Variants in MRPS31 observed in about 807,000 individuals in gnomAD.
MRPS31 encodes mitochondrial ribosomal protein S31, also known as small ribosomal subunit protein mS31.
A neutral mutation model predicts 43.1 loss-of-function variants in MRPS31; 32 were observed. The ratio of observed to expected loss-of-function variants is 0.74; its 90% confidence interval spans 0.56 to 1.00. The LOEUF (loss-of-function observed/expected upper bound fraction) is 1.00. MRPS31 is among the 50% of genes least tolerant of loss of function. The pLI, the probability that MRPS31 is intolerant of heterozygous loss-of-function variation, is 0.00. For missense variants in MRPS31, 437 were observed against 466.7 expected (o/e 0.94, Z 0.59); for synonymous variants, 165 against 161.6 (o/e 1.02, Z -0.16).
rs1461498908 is a variant in MRPS31, at chr13:40,729,482, T to G, written c.1078A>C (p.Lys360Gln). 2.5e-6 allele frequency: 4 copies of G among 1,613,684 alleles called. No homozygotes were observed. In the African/African-American group the frequency reaches 5.3e-5, roughly 22 times the overall value. The change falls in exon 7 of 7, where the codon AAA (lysine) becomes CAA (glutamine). Residue 360 changes from lysine to glutamine, a missense_variant. Transcript: ENST00000323563. ...TGTTTAACACTAAGATATGGGTTTT[T>G]GGAAAGGCCACAAGTCACCAGCTCC... is the stretch of plus-strand genomic sequence containing the variant. The part of the protein sequence containing the change: ...FMELVTCGLS[K>Q]NPYLSVKQKV...
At chr13:40,747,727 A>T (rs986213252) in intron 6 of MRPS31, among the ~76,000 whole-genome samples, 7 of 151,912 alleles carry the variant, frequency 4.6e-5, no homozygotes, top group African/African-American at 1.7e-4. Context: ...AAAATACAAA[A>T]ATTAGCTCGG....
chr13:40,760,353 C>G (rs1880660937), intron 2 of MRPS31, among the ~76,000 whole-genome samples: 1 of 151,744 alleles, frequency 6.6e-6, no homozygotes, highest in African/African-American at 2.4e-5. Context: ...GATTTGTATA[C>G]TTTAATACAT....
At chr13:40,762,205 CT>C in intron 2 of MRPS31, among the ~76,000 whole-genome samples, 1 of 152,152 alleles carries the variant, frequency 6.6e-6, no homozygotes, top group African/African-American at 2.4e-5. Context: ...GCACTCAAGC[CT>C]GGGGAATAGA....
chr13:40,739,562 A>G (rs1440064963), intron 6 of MRPS31, among the ~76,000 whole-genome samples: 6 of 152,154 alleles, frequency 3.9e-5, no homozygotes, highest in Non-Finnish European at 8.8e-5. Flanking sequence ...CAGTAACCAA[A>G]ACAGCATGGT....
intron 2 of MRPS31, among the ~76,000 whole-genome samples, chr13:40,762,391 T>C (rs1486508856): frequency 6.6e-6 from 1 of 152,082 alleles, no homozygotes; most frequent in African/African-American, 2.4e-5. Flanking sequence ...TTTGCTCAAA[T>C]GTTACCTTAT....
intron 5 of MRPS31, among the ~76,000 whole-genome samples, chr13:40,750,200 C>T (rs747073575): frequency 1.2e-4 from 18 of 152,054 alleles, no homozygotes; most frequent in South Asian, 6.2e-4. Context: ...AATAAAAATG[C>T]GTTACTAGTA....
intron 2 of MRPS31, among the ~76,000 whole-genome samples, chr13:40,765,140 T>C (rs1478202908): frequency 6.6e-6 from 1 of 152,154 alleles, no homozygotes; most frequent in Non-Finnish European, 1.5e-5. Context: ...CATTCACCAG[T>C]CTTTTGATGT....
intron 1 of MRPS31, among the ~76,000 whole-genome samples, chr13:40,768,492 G>A (rs1033979009): frequency 1.8e-4 from 28 of 151,822 alleles, no homozygotes; most frequent in Non-Finnish European, 3.7e-4. Flanking sequence ...GGAGTGCAGT[G>A]GTGTGATCTC....
intron 6 of MRPS31, among the ~76,000 whole-genome samples, chr13:40,735,872 G>A (rs1304628739): frequency 6.0e-5 from 9 of 150,530 alleles, no homozygotes; most frequent in South Asian, 4.3e-4. Context: ...AAAGCAGAGC[G>A]CCTCTCCTCC....
At chr13:40,738,986 G>A (rs1880003131) in intron 6 of MRPS31, among the ~76,000 whole-genome samples, 1 of 152,156 alleles carries the variant, frequency 6.6e-6, no homozygotes, top group Admixed American at 6.5e-5. Context: ...TAGGAAAAGA[G>A]GAAGTCAAAT....
At chr13:40,737,025 T>C (rs1403399729) in intron 6 of MRPS31, among the ~76,000 whole-genome samples, 3 of 151,634 alleles carry the variant, frequency 2.0e-5, no homozygotes, top group Admixed American at 1.3e-4. Flanking sequence ...GTGTGCTGTA[T>C]TCAGGAAACC....
At chr13:40,760,336 C>A (rs1365271676) in intron 2 of MRPS31, among the ~76,000 whole-genome samples, 1 of 151,714 alleles carries the variant, frequency 6.6e-6, no homozygotes, top group Non-Finnish European at 1.5e-5. Context: ...CAAAATCCTA[C>A]AGCTAAGATT....
chr13:40,758,442 T>C (rs1239931645), intron 3 of MRPS31, among the ~76,000 whole-genome samples: 2 of 151,616 alleles, frequency 1.3e-5, no homozygotes, highest in African/African-American at 4.9e-5. Flanking sequence ...AATGAGGCAG[T>C]GTTACTGCTT....
intron 6 of MRPS31, among the ~76,000 whole-genome samples, chr13:40,733,472 T>A (rs1051279493): frequency 6.6e-6 from 1 of 152,070 alleles, no homozygotes; most frequent in Non-Finnish European, 1.5e-5. Flanking sequence ...AATTGAAAAA[T>A]GAAGTTACTG....
intron 6 of MRPS31, among the ~76,000 whole-genome samples, chr13:40,740,804 G>A (rs1019893312): frequency 2.9e-5 from 3 of 102,752 alleles, no homozygotes; most frequent in African/African-American, 7.5e-5. Context: ...GGGGAGGGGG[G>A]AGGGATAGCA....
rs1265113546 is a variant in MRPS31, at chr13:40,766,735, AT to A, written c.440+10del. ...AGTTTCAAACAACATCTGAATTACAATTAAATTTACCTCTTCTTTGGAGCAT... is the reference window on the plus strand; with the variant it reads ...AGTTTCAAACAACATCTGAATTACAATAAATTTACCTCTTCTTTGGAGCAT... On this transcript the variant is annotated intron_variant, in intron 2 of 6. Coordinates refer to ENST00000323563, the MANE Select transcript of MRPS31 (RefSeq NM_005830.4). 1 of 1,568,538 alleles carries A rather than the reference AT, an allele frequency of 6.4e-7. No individual in the cohort carries two copies. The highest frequency in any genetic ancestry group is 2.3e-5 in the East Asian group (1 of 44,376).
intron 6 of MRPS31, among the ~76,000 whole-genome samples, chr13:40,736,383 C>T (rs1047776894): frequency 1.3e-5 from 2 of 150,658 alleles, no homozygotes; most frequent in African/African-American, 4.9e-5. Context: ...GAGAATTTAC[C>T]CAATCTAGCA....
At chr13:40,744,564 T>A (rs1388713946) in intron 6 of MRPS31, among the ~76,000 whole-genome samples, 6 of 152,194 alleles carry the variant, frequency 3.9e-5, no homozygotes, top group Admixed American at 1.3e-4. Context: ...TTTCTTTTTA[T>A]TATTTATTTA....
chr13:40,758,395 C>T (rs1189101292), intron 3 of MRPS31, among the ~76,000 whole-genome samples: 7 of 152,154 alleles, frequency 4.6e-5, no homozygotes, highest in African/African-American at 1.2e-4. Flanking sequence ...CTGGTATACA[C>T]GTTCATTGAG....
Sources: allele counts gnomAD v4.1 joint callset (sites outside exome capture counted in the v4.1 genomes callset), GRCh38; gene constraint gnomAD v4.1.1; transcripts MANE v1.5; gene names NCBI Gene and HGNC (gene_info 2026-07-23, HGNC 2026-07-21).